Variants in PLCB1 observed in about 807,000 individuals in gnomAD.
PLCB1 encodes the protein phospholipase C beta 1, also known as 1-phosphatidylinositol 4,5-bisphosphate phosphodiesterase beta-1.
In PLCB1, 46 loss-of-function variants were observed where a neutral mutation model predicts 161.8. The observed-to-expected ratio is 0.28, with a 90% CI of 0.22 to 0.36. The LOEUF is 0.36. PLCB1 is among the 10% of genes least tolerant of loss of function. PLCB1 has a pLI of 1.00. For missense variants in PLCB1, 1,016 were observed against 1,472.5 expected, an observed-to-expected ratio of 0.69 and a Z score of 5.07; for synonymous variants, 517 against 503.7, an observed-to-expected ratio of 1.03 and a Z score of -0.35.
At position 8,547,331 on chromosome 20, in the gene PLCB1, T is replaced by A. The variant is rs370606199; in HGVS notation, c.247-80963T>A. On this transcript the variant is annotated intron_variant, in intron 3 of 31. Coordinates refer to ENST00000338037, the MANE Select transcript of PLCB1 (RefSeq NM_015192.4). ...TCAGATATGGATATTATCAAAGGAA[T>A]GATCTAATTGTCCACCACAGATTTG... Among the ~76,000 whole-genome samples, 117 of 152,316 alleles carry A rather than the reference T, an allele frequency of 7.7e-4. No homozygotes were observed. In the Middle Eastern group the frequency reaches 0.017, roughly 22 times the overall value.
chr20:8,634,747 GA>G (rs1326102664), intron 4 of PLCB1, among the ~76,000 whole-genome samples: 2 of 151,984 alleles, frequency 1.3e-5, no homozygotes, highest in Admixed American at 6.6e-5. Context: ...AACATTTATT[GA>G]GGGCCTAGTA....
intron 2 of PLCB1, among the ~76,000 whole-genome samples, chr20:8,255,429 C>T (rs1044264477): frequency 1.3e-5 from 2 of 152,018 alleles, no homozygotes; most frequent in African/African-American, 2.4e-5. Context: ...AATGTCATTG[C>T]CCTAATCCTT....
At position 8,495,388 on chromosome 20, in the gene PLCB1, C is replaced by CTTTTTT. The variant is rs869173548; in HGVS notation, c.246+123960_246+123965dup. ...TGTGGACTTTGCCTTACCTTCCTTT[C>CTTTTTT]TTTTTTTTTTTTTTTTTTTTTTTTT... On this transcript the variant is annotated intron_variant, in intron 3 of 31. Coordinates refer to ENST00000338037, the MANE Select transcript of PLCB1 (RefSeq NM_015192.4). Among the ~76,000 whole-genome samples the CTTTTTT allele has an allele frequency of 1.5e-3, 138 of 94,350 alleles. 11 individuals carry two copies. Among genetic ancestry groups the CTTTTTT allele is most frequent in the African/African-American group, 3.8e-3 (84 of 22,212 alleles). 61.9% of individuals were successfully genotyped at this position (94,350 alleles called of 152,430 possible). A position where few individuals can be genotyped will look rare whatever the true frequency, so the allele number is the denominator to read the frequency against.
chr20:8,392,115 C>T (rs770476985), intron 3 of PLCB1, among the ~76,000 whole-genome samples: 9 of 151,840 alleles, frequency 5.9e-5, no homozygotes, highest in Admixed American at 3.9e-4. Context: ...GAAACTTAAT[C>T]GCCGATGCAA....
At chr20:8,191,419 TA>T (rs1455735409) in intron 2 of PLCB1, among the ~76,000 whole-genome samples, 1 of 152,008 alleles carries the variant, frequency 6.6e-6, no homozygotes, top group African/African-American at 2.4e-5. Context: ...TCAATCCACT[TA>T]ATTTTTTTTT....
At chr20:8,371,675 T>C (rs181563657) in intron 3 of PLCB1, 27 of 393,370 alleles carry the variant, frequency 6.9e-5, no homozygotes, top group Admixed American at 5.5e-4. Flanking sequence ...TAATTTTGCC[T>C]TTGTTTGAAA....
chr20:8,597,119 G>A (rs1159606409), intron 3 of PLCB1, among the ~76,000 whole-genome samples: 3 of 92,392 alleles, frequency 3.2e-5, no homozygotes, highest in Non-Finnish European at 6.4e-5. Context: ...AATTGCCCTG[G>A]CCAGAACTTC....
chr20:8,376,732 T>G (rs573324820), intron 3 of PLCB1, among the ~76,000 whole-genome samples: 2 of 151,880 alleles, frequency 1.3e-5, no homozygotes, highest in Non-Finnish European at 2.9e-5. Context: ...ATCGAGACCA[T>G]CCTGGCTAAC....
chr20:8,661,613 T>C (rs945803765), intron 9 of PLCB1, among the ~76,000 whole-genome samples: 1 of 152,020 alleles, frequency 6.6e-6, no homozygotes, highest in Admixed American at 6.6e-5. Flanking sequence ...CTTTAAGGCA[T>C]GTACACAAAA....
intron 2 of PLCB1, among the ~76,000 whole-genome samples, chr20:8,299,925 A>G (rs1983819747): frequency 6.6e-6 from 1 of 152,182 alleles, no homozygotes; most frequent in African/African-American, 2.4e-5. Context: ...ATGTTGCCTT[A>G]TGTATCAGCT....
At chr20:8,134,674 A>G (rs1262981480) in intron 1 of PLCB1, among the ~76,000 whole-genome samples, 1 of 152,130 alleles carries the variant, frequency 6.6e-6, no homozygotes, top group Non-Finnish European at 1.5e-5. Flanking sequence ...GACAAAAATC[A>G]TCAAAAACAC....
At chr20:8,722,518 G>A (rs1979704329) in intron 15 of PLCB1, 97 bp downstream of exon 15, 1 of 744,094 alleles carries the variant, frequency 1.3e-6, no homozygotes, top group Admixed American at 3.1e-5. Flanking sequence ...GTGGCAAAAA[G>A]TAGATTTGTG....
intron 2 of PLCB1, among the ~76,000 whole-genome samples, chr20:8,238,557 CA>C (rs1980439816): frequency 6.6e-6 from 1 of 151,158 alleles, no homozygotes; most frequent in Admixed American, 6.6e-5. Context: ...AAGAGCTAGA[CA>C]GAAGTATAAG....
At chr20:8,320,844 AGG>A (rs1984882739) in intron 2 of PLCB1, among the ~76,000 whole-genome samples, 2 of 127,174 alleles carry the variant, frequency 1.6e-5, no homozygotes, top group African/African-American at 5.6e-5. Flanking sequence ...GGAGGGAGGG[AGG>A]GAGGGAAAGA....
chr20:8,327,335 C>G (rs1985197045), intron 2 of PLCB1, among the ~76,000 whole-genome samples: 1 of 152,196 alleles, frequency 6.6e-6, no homozygotes, highest in African/African-American at 2.4e-5. Context: ...GCACCATGTC[C>G]TCATTCCAGT....
chr20:8,519,436 A>C (rs1327137921), intron 3 of PLCB1, among the ~76,000 whole-genome samples: 1 of 152,140 alleles, frequency 6.6e-6, no homozygotes, highest in Non-Finnish European at 1.5e-5. Context: ...GGGATGAGGA[A>C]GTAGGAGGTA....
chr20:8,425,130 G>GTTT lies in PLCB1; in HGVS notation c.246+53694_246+53696dup, dbSNP rs10629165. On this transcript the variant is annotated intron_variant, in intron 3 of 31. Transcript: ENST00000338037. ...CAACCAATGACCTGCATTCTGAGGTGTTTTTTTTTTTTTTTTAACTTAAGA... is the reference window on the plus strand; with the variant it reads ...CAACCAATGACCTGCATTCTGAGGTGTTTTTTTTTTTTTTTTTTTAACTTAAGA... 3.9e-3 allele frequency among the ~76,000 whole-genome samples: 541 copies of GTTT among 140,494 alleles called. 3 individuals carry two copies. The highest frequency in any genetic ancestry group is 6.3e-3 in the East Asian group (30 of 4,734). The allele number at this position is 140,494 out of a possible 152,430, so 92.2% of individuals were successfully genotyped here.
intron 2 of PLCB1, among the ~76,000 whole-genome samples, chr20:8,344,541 G>A (rs1226862919): frequency 6.6e-6 from 1 of 152,128 alleles, no homozygotes; most frequent in African/African-American, 2.4e-5. Flanking sequence ...GCTTCTCATG[G>A]TGTTCCACCC....
chr20:8,401,972 C>T (rs1978573564), intron 3 of PLCB1, among the ~76,000 whole-genome samples: 1 of 152,160 alleles, frequency 6.6e-6, no homozygotes, highest in East Asian at 1.9e-4. Context: ...TTACTTATTG[C>T]ATAACCTATT....
Sources: gnomAD v4.1 joint callset for allele counts (sites outside exome capture counted in the v4.1 genomes callset) on GRCh38, gnomAD v4.1.1 for gene constraint, MANE v1.5 for transcripts, NCBI Gene and HGNC (gene_info 2026-07-23, HGNC 2026-07-21) for gene names.